The following PRKN variants were observed in gnomAD, a reference collection of about 807,000 sequenced individuals.
The protein encoded by PRKN is E3 ubiquitin-protein ligase parkin.
A neutral mutation model predicts 59.5 loss-of-function variants in PRKN; 56 were observed. The ratio of observed to expected loss-of-function variants is 0.94; its 90% confidence interval spans 0.76 to 1.18. The LOEUF is 1.18. PRKN is among the 50% of genes most tolerant of loss of function. The pLI, the probability that PRKN is intolerant of heterozygous loss-of-function variation, is 0.00. For missense variants in PRKN, 657 were observed against 596.4 expected, an observed-to-expected ratio of 1.10 and a Z score of -1.06; for synonymous variants, 250 against 222.1, an observed-to-expected ratio of 1.13 and a Z score of -1.12.
intron 6 of PRKN, among the ~76,000 whole-genome samples, chr6:161,933,797 C>T (rs909333224): frequency 2.0e-5 from 3 of 151,882 alleles, no homozygotes; most frequent in Non-Finnish European, 2.9e-5. Flanking sequence ...CAGAAGTCTT[C>T]AGACCACACT....
chr6:161,648,869 G>C (rs1784053254), intron 7 of PRKN, among the ~76,000 whole-genome samples: 1 of 152,168 alleles, frequency 6.6e-6, no homozygotes, highest in Non-Finnish European at 1.5e-5. Flanking sequence ...ATCCTCCAGA[G>C]TATGCAGAGC....
chr6:162,645,544 C>T (rs1893118), intron 1 of PRKN, among the ~76,000 whole-genome samples: 139,218 of 152,060 alleles, frequency 0.92, 63,889 homozygotes, highest in Admixed American at 0.97. Context: ...AATTATTTCT[C>T]TGATCCTATA....
At chr6:161,739,613 T>C (rs577243317) in intron 7 of PRKN, among the ~76,000 whole-genome samples, 37 of 152,280 alleles carry the variant, frequency 2.4e-4, no homozygotes, top group Middle Eastern at 3.4e-3. Context: ...TTTCACTACT[T>C]TTCCAAACTG....
chr6:162,414,141 C>T (rs957326042), intron 2 of PRKN, among the ~76,000 whole-genome samples: 2 of 152,044 alleles, frequency 1.3e-5, no homozygotes, highest in African/African-American at 4.8e-5. Context: ...TGAAATCATG[C>T]CACTGCACTC....
chr6:162,066,719 T>C (rs138103027), intron 4 of PRKN, among the ~76,000 whole-genome samples: 3 of 152,298 alleles, frequency 2.0e-5, no homozygotes, highest in East Asian at 1.9e-4. Flanking sequence ...TTGTGAGAAA[T>C]AGATTTCTGT....
intron 1 of PRKN, among the ~76,000 whole-genome samples, chr6:162,555,047 C>A (rs1223600211): frequency 6.6e-6 from 1 of 151,898 alleles, no homozygotes; most frequent in African/African-American, 2.4e-5. Context: ...CAGCCACATG[C>A]AACAAAAAAC....
chr6:161,417,931 T>C lies in PRKN; in HGVS notation c.1084-31054A>G, dbSNP rs1787926267. 6.6e-6 allele frequency among the ~76,000 whole-genome samples: 1 copy of C among 152,152 alleles called. No individual in the cohort carries two copies. Among genetic ancestry groups the C allele is most frequent in the African/African-American group, 2.4e-5 (1 of 41,416 alleles). On this transcript the variant is annotated intron_variant, in intron 9 of 11. Coordinates refer to ENST00000366898, the MANE Select transcript of PRKN (RefSeq NM_004562.3). The surrounding 1 kb of genome is among the most constrained non-coding windows in gnomAD (Gnocchi z 5.4). ...AGACTCAGTGGCCCACCCAGGGGCA[T>C]GAGTAATGCTGGGAGCTGCAGGCTG...
At chr6:162,663,187 A>G (rs1231481816) in intron 1 of PRKN, among the ~76,000 whole-genome samples, 2 of 152,178 alleles carry the variant, frequency 1.3e-5, no homozygotes, top group East Asian at 1.9e-4. Context: ...GGATTGCTCA[A>G]AAATAGTTCA....
chr6:161,583,960 G>A (rs552564518), intron 7 of PRKN, among the ~76,000 whole-genome samples: 222 of 152,218 alleles, frequency 1.5e-3, no homozygotes, highest in African/African-American at 4.7e-3. Flanking sequence ...TTAAAGTATC[G>A]TTCCATTTAA....
intron 1 of PRKN, among the ~76,000 whole-genome samples, chr6:162,706,731 G>C (rs1422474672): frequency 6.6e-6 from 1 of 152,090 alleles, no homozygotes; most frequent in East Asian, 1.9e-4. Flanking sequence ...ACACACACAT[G>C]AGCACTCAAT....
At chr6:162,366,346 T>G (rs1785436345) in intron 2 of PRKN, among the ~76,000 whole-genome samples, 1 of 152,196 alleles carries the variant, frequency 6.6e-6, no homozygotes, top group East Asian at 1.9e-4. Context: ...TTTGGTTGGC[T>G]TTCTTAGATC....
In PRKN at chr6:162,045,835, C is replaced by T. The variant is rs576859402; in HGVS notation, c.618+8256G>A. 2.6e-5 allele frequency among the ~76,000 whole-genome samples: 4 copies of T among 152,260 alleles called. No individual in the cohort carries two copies. The South Asian group carries it at 8.3e-4, about 32-fold the overall frequency. ...TCTCACGTCTTCCTTCTATTCTTCT[C>T]ACTCCATTAGGCTCCTGTGTATCTG... On this transcript the variant is annotated intron_variant, in intron 5 of 11. Transcript: ENST00000366898.
chr6:161,928,595 A>G (rs1279086620), intron 6 of PRKN, among the ~76,000 whole-genome samples: 2 of 152,212 alleles, frequency 1.3e-5, no homozygotes, highest in Non-Finnish European at 2.9e-5. Flanking sequence ...AAATATAACA[A>G]TCATCAGAAT....
chr6:161,884,908 T>C (rs1295779721), intron 6 of PRKN, among the ~76,000 whole-genome samples: 1 of 151,902 alleles, frequency 6.6e-6, no homozygotes, highest in Non-Finnish European at 1.5e-5. Flanking sequence ...AACTCTACCA[T>C]TGCAGCAAAG....
At chr6:161,834,578 G>C (rs9458394) in intron 6 of PRKN, among the ~76,000 whole-genome samples, 1 of 152,170 alleles carries the variant, frequency 6.6e-6, no homozygotes, top group African/African-American at 2.4e-5. Flanking sequence ...TCTACCTGGG[G>C]AACACGCTCA....
intron 4 of PRKN, among the ~76,000 whole-genome samples, chr6:162,087,293 A>G (rs1372614374): frequency 6.6e-6 from 1 of 152,234 alleles, no homozygotes; most frequent in Admixed American, 6.5e-5. Flanking sequence ...AATTACATTA[A>G]GATATCAATA....
intron 1 of PRKN, among the ~76,000 whole-genome samples, chr6:162,724,105 T>TA (rs1239488734): frequency 6.6e-6 from 1 of 152,184 alleles, no homozygotes; most frequent in African/African-American, 2.4e-5. Context: ...ATACCACAAA[T>TA]ATCCCCACTA....
At chr6:161,394,088 T>C (rs898514800) in intron 9 of PRKN, among the ~76,000 whole-genome samples, 11 of 152,234 alleles carry the variant, frequency 7.2e-5, no homozygotes, top group African/African-American at 2.4e-4. Flanking sequence ...CGCTGATATA[T>C]GCAAAACTCG....
chr6:161,624,517 G>C (rs1783017599), intron 7 of PRKN, among the ~76,000 whole-genome samples: 1 of 152,204 alleles, frequency 6.6e-6, no homozygotes, highest in African/African-American at 2.4e-5. Context: ...CCTGCCTCTG[G>C]CAGTGTTTCA....
Sources: allele counts gnomAD v4.1 joint callset (sites outside exome capture counted in the v4.1 genomes callset), GRCh38; gene constraint gnomAD v4.1.1; non-coding constraint Gnocchi (gnomAD v3.1); transcripts MANE v1.5; gene names NCBI Gene and HGNC (gene_info 2026-07-23, HGNC 2026-07-21).